Variants in NKAIN3 observed in about 807,000 individuals in gnomAD.
NKAIN3 encodes sodium/potassium-transporting ATPase subunit beta-1-interacting protein 3.
A neutral mutation model predicts 30.2 loss-of-function variants in NKAIN3; 25 were observed. The ratio of observed to expected loss-of-function variants is 0.83; its 90% CI spans 0.60 to 1.16. The LOEUF is 1.16. Among genes scored for constraint, NKAIN3 ranks in the 50% most tolerant of loss-of-function variants. The pLI is 0.00. For synonymous variants in NKAIN3, 91 were observed against 89.6 expected, an observed-to-expected ratio of 1.02 and a Z score of -0.09; for missense variants, 225 against 254.1, an observed-to-expected ratio of 0.89 and a Z score of 0.78.
At chr8:62,950,599 A>G (rs912376088) in intron 5 of NKAIN3, among the ~76,000 whole-genome samples, 2 of 152,204 alleles carry the variant, frequency 1.3e-5, no homozygotes, top group Non-Finnish European at 2.9e-5. Context: ...TGATATGCAG[A>G]GAAGGTATAG....
chr8:62,249,106 C>T lies in NKAIN3; in HGVS notation c.33C>T (p.Ile11=). Residue 11 remains isoleucine, a synonymous_variant, in exon 1 of 7, where the codon ATC becomes ATT. Transcript: ENST00000623646. MGCCTGRCSL[I]CLCALQLVSA... is the part of the protein sequence containing the mutation. Reference sequence around the variant, plus strand: ...GCTGCACCGGACGCTGCTCGCTCATCTGCCTCTGCGCGCTGCAGTTGGTGA... The same window carrying T: ...GCTGCACCGGACGCTGCTCGCTCATTTGCCTCTGCGCGCTGCAGTTGGTGA... 7 of 1,539,090 alleles carry T rather than the reference C, an allele frequency of 4.5e-6. No homozygotes were observed. The highest frequency in any genetic ancestry group is 6.1e-6 in the Non-Finnish European group (7 of 1,144,142).
intron 4 of NKAIN3, among the ~76,000 whole-genome samples, chr8:62,831,145 G>T (rs113026310): frequency 6.6e-6 from 1 of 152,026 alleles, no homozygotes; most frequent in Non-Finnish European, 1.5e-5. Context: ...ACAGAATTGC[G>T]TAGAAGAAAA....
chr8:62,847,709 C>CT (rs1394179509), intron 4 of NKAIN3, among the ~76,000 whole-genome samples: 1 of 152,028 alleles, frequency 6.6e-6, no homozygotes, highest in African/African-American at 2.4e-5. Context: ...TCAATTTTTG[C>CT]TTTTTTTGCA....
chr8:62,471,728 G>A (rs1362364881), intron 1 of NKAIN3, among the ~76,000 whole-genome samples: 1 of 152,262 alleles, frequency 6.6e-6, no homozygotes, highest in African/African-American at 2.4e-5. Flanking sequence ...GCCAAGGAGG[G>A]AGGATCAAAG....
chr8:62,501,608 G>A (rs1046999077), intron 1 of NKAIN3, among the ~76,000 whole-genome samples: 19 of 149,694 alleles, frequency 1.3e-4, no homozygotes, highest in South Asian at 2.1e-4. Context: ...TAGGCATTAC[G>A]AGAAATGTGC....
chr8:62,259,621 G>T (rs921951767), intron 1 of NKAIN3, among the ~76,000 whole-genome samples: 4 of 152,150 alleles, frequency 2.6e-5, no homozygotes, highest in Admixed American at 6.6e-5. Context: ...CAAAGATATT[G>T]AAATAAAATG....
intron 1 of NKAIN3, among the ~76,000 whole-genome samples, chr8:62,559,444 C>T (rs1037366015): frequency 6.6e-6 from 1 of 151,988 alleles, no homozygotes; most frequent in African/African-American, 2.4e-5. Flanking sequence ...AAAAGCCTAA[C>T]ATTTTAGTTT....
At chr8:62,550,307 G>A (rs1809158327) in intron 1 of NKAIN3, among the ~76,000 whole-genome samples, 2 of 152,146 alleles carry the variant, frequency 1.3e-5, no homozygotes, top group Non-Finnish European at 2.9e-5. Context: ...CTTGGTGTAT[G>A]ATTCTCATAT....
At chr8:62,588,343 CT>C (rs990997829) in intron 2 of NKAIN3, among the ~76,000 whole-genome samples, 2 of 151,764 alleles carry the variant, frequency 1.3e-5, no homozygotes, top group African/African-American at 4.8e-5. Flanking sequence ...CTTATCTTAA[CT>C]TTTTAACATG....
At chr8:62,327,663 C>A (rs1471008536) in intron 1 of NKAIN3, among the ~76,000 whole-genome samples, 1 of 152,000 alleles carries the variant, frequency 6.6e-6, no homozygotes, top group African/African-American at 2.4e-5. Flanking sequence ...TGCTTTTATG[C>A]CAAATGCACT....
intron 3 of NKAIN3, among the ~76,000 whole-genome samples, chr8:62,737,834 C>T (rs1467742100): frequency 2.0e-5 from 3 of 151,968 alleles, no homozygotes; most frequent in African/African-American, 7.2e-5. Context: ...AATTTTTTTT[C>T]CTTACAAATT....
chr8:62,766,784 C>T (rs1816852645), intron 4 of NKAIN3, among the ~76,000 whole-genome samples: 1 of 152,158 alleles, frequency 6.6e-6, no homozygotes, highest in African/African-American at 2.4e-5. Context: ...GGAGTATTTA[C>T]TTGTCCACCA....
intron 1 of NKAIN3, among the ~76,000 whole-genome samples, chr8:62,379,732 C>A (rs935806388): frequency 6.6e-6 from 1 of 152,144 alleles, no homozygotes; most frequent in Non-Finnish European, 1.5e-5. Context: ...AACCTGTTTT[C>A]TTTGTAAATT....
chr8:62,760,536 A>G (rs1249777022), intron 4 of NKAIN3, among the ~76,000 whole-genome samples: 1 of 151,804 alleles, frequency 6.6e-6, no homozygotes, highest in African/African-American at 2.4e-5. Context: ...ACAAAAAACC[A>G]AACACCACAT....
chr8:62,891,448 C>G (rs1021278929), intron 4 of NKAIN3, among the ~76,000 whole-genome samples: 1 of 152,176 alleles, frequency 6.6e-6, no homozygotes. Flanking sequence ...AGACTGGCTT[C>G]CTTGCTCCTC....
chr8:62,406,522 A>G (rs1160289901), intron 1 of NKAIN3, among the ~76,000 whole-genome samples: 1 of 152,202 alleles, frequency 6.6e-6, no homozygotes, highest in African/African-American at 2.4e-5. Flanking sequence ...AACAATATAC[A>G]TTTATATTTG....
chr8:62,645,808 G>A (rs1812442360), intron 3 of NKAIN3, among the ~76,000 whole-genome samples: 2 of 152,222 alleles, frequency 1.3e-5, no homozygotes, highest in South Asian at 4.1e-4. Flanking sequence ...GATCATCTGA[G>A]ATTCAAACTT....
intron 4 of NKAIN3, among the ~76,000 whole-genome samples, chr8:62,909,816 C>A (rs562397506): frequency 2.0e-4 from 30 of 152,182 alleles, no homozygotes; most frequent in African/African-American, 7.2e-4. Context: ...TTGGCAAATT[C>A]TGTTTGAGGA....
intron 6 of NKAIN3, among the ~76,000 whole-genome samples, chr8:62,960,771 G>A (rs1379754828): frequency 2.1e-5 from 3 of 140,262 alleles, no homozygotes; most frequent in Non-Finnish European, 4.6e-5. Flanking sequence ...GATTAGAAAA[G>A]CAATAGAAAA....
Sources: gnomAD v4.1 joint callset for allele counts (sites outside exome capture counted in the v4.1 genomes callset) on GRCh38, gnomAD v4.1.1 for gene constraint, MANE v1.5 for transcripts, NCBI Gene and HGNC (gene_info 2026-07-23, HGNC 2026-07-21) for gene names.